Variants in AGO2 observed in about 807,000 individuals in gnomAD.
The protein encoded by AGO2 is protein argonaute-2.
A neutral mutation model predicts 102.3 loss-of-function variants in AGO2; 5 were observed. The observed-to-expected ratio is 0.05, with a 90% CI of 0.03 to 0.10. The LOEUF (loss-of-function observed/expected upper bound fraction) is 0.10. Among genes scored for constraint, AGO2 ranks in the 10% least tolerant of loss-of-function variants. The pLI, the probability that AGO2 is intolerant of heterozygous loss-of-function variation, is 1.00. For synonymous variants in AGO2, 449 were observed against 473.1 expected, an observed-to-expected ratio of 0.95 and a Z score of 0.66; for missense variants, 541 against 1,183.7, an observed-to-expected ratio of 0.46 and a Z score of 7.97.
chr8:140,632,025 T>C (rs1354616765), intron 1 of AGO2, among the ~76,000 whole-genome samples: 1 of 152,220 alleles, frequency 6.6e-6, no homozygotes, highest in African/African-American at 2.4e-5. Context: ...ACAGTAACGA[T>C]TCGTGAAACA....
rs759153879 is a variant in AGO2, at chr8:140,530,308, TGG to T, written c.*1734_*1735del. ...CCTCCAAAGCAGCTGAGCACAAAGGTGGGGGGGGGGGTGCCGCTGAGCAGGAG... is the reference window on the plus strand; with the variant it reads ...CCTCCAAAGCAGCTGAGCACAAAGGTGGGGGGGGGTGCCGCTGAGCAGGAG... On this transcript the variant is annotated 3_prime_UTR_variant, in exon 19 of 19. Transcript: ENST00000220592. 6,078 of 145,758 alleles carry T rather than the reference TGG, an allele frequency of 0.042. 165 individuals carry two copies. Among genetic ancestry groups the T allele is most frequent in the African/African-American group, 0.077 (3,011 of 39,338 alleles). 9.0% of individuals were successfully genotyped at this position (145,758 alleles called of 1,614,324 possible).
At chr8:140,580,530 C>G (rs1442150109) in intron 2 of AGO2, among the ~76,000 whole-genome samples, 1 of 152,196 alleles carries the variant, frequency 6.6e-6, no homozygotes, top group East Asian at 1.9e-4. Flanking sequence ...GCCCCACCTT[C>G]GTCTCCCTTT....
chr8:140,533,402 A>C (rs1042693645), intron 17 of AGO2, among the ~76,000 whole-genome samples: 2 of 151,562 alleles, frequency 1.3e-5, no homozygotes, highest in Admixed American at 6.6e-5. Flanking sequence ...AAAAAAAAAA[A>C]AAAAAGATAT....
intron 1 of AGO2, among the ~76,000 whole-genome samples, chr8:140,633,055 G>A (rs572535415): frequency 3.3e-5 from 5 of 152,142 alleles, no homozygotes; most frequent in African/African-American, 1.2e-4. Flanking sequence ...TGGGACTACA[G>A]GCGTGCACCA....
In AGO2 at chr8:140,557,368, C is replaced by CCCCCGGAA. The variant is rs938961097; in HGVS notation, c.879-133_879-132insTTCCGGGG. On this transcript the variant is annotated intron_variant, in intron 7 of 18. Coordinates refer to ENST00000220592, the MANE Select transcript of AGO2 (RefSeq NM_012154.5). The surrounding 1 kb of genome is among the most constrained non-coding windows in gnomAD (Gnocchi z 5.9). ...TTCAGAGCACTTCCGGGAGTGAAAA[C>CCCCCGGAA]CATGTCATGTGCTTTGGGTTATCTG... 1 of 1,133,488 alleles carries CCCCCGGAA rather than the reference C, an allele frequency of 8.8e-7. No homozygotes were observed. The highest frequency in any genetic ancestry group is 1.6e-5 in the African/African-American group (1 of 63,800). The allele number at this position is 1,133,488 out of a possible 1,614,324, so 70.2% of individuals were successfully genotyped here.
Position 140,530,616 on chromosome 8 carries a change from C to G in AGO2, c.*1428G>C, listed in dbSNP as rs2072576145. On this transcript the variant is annotated 3_prime_UTR_variant, in exon 19 of 19. Transcript: ENST00000220592. ...GTGCAACAGTTTCTAGATTGGCAAA[C>G]CCAAGTCTGGGGCCCCAAATGCAAA... 1 of 152,284 alleles carries G rather than the reference C, an allele frequency of 6.6e-6. No homozygotes were observed. The highest frequency in any genetic ancestry group is 1.5e-5 in the Non-Finnish European group (1 of 68,064). 9.4% of individuals were successfully genotyped at this position (152,284 alleles called of 1,614,324 possible).
At chr8:140,612,220 C>CAAAAAAAAAA (rs542472147) in intron 1 of AGO2, among the ~76,000 whole-genome samples, 2 of 95,978 alleles carry the variant, frequency 2.1e-5, no homozygotes, top group African/African-American at 4.3e-5. Context: ...GACTCTGTCT[C>CAAAAAAAAAA]AAAAAAAAAA....
In AGO2 at chr8:140,520,606, G is replaced by C. The variant is rs2072400558; in HGVS notation, c.*11438C>G. ...AGAGAAATGTGAAGACGGGCTCTCTGGAGAGACCAGAGGCTCGGGCTGCCT... is the reference window on the plus strand; with the variant it reads ...AGAGAAATGTGAAGACGGGCTCTCTCGAGAGACCAGAGGCTCGGGCTGCCT... On this transcript the variant is annotated 3_prime_UTR_variant, in exon 19 of 19. Transcript: ENST00000220592. 6.6e-6 allele frequency: 1 copy of C among 152,084 alleles called. No homozygotes were observed. The highest frequency in any genetic ancestry group is 2.4e-5 in the African/African-American group (1 of 41,396). 9.4% of individuals were successfully genotyped at this position (152,084 alleles called of 1,614,324 possible).
At chr8:140,568,418 C>G (rs1030673649) in intron 3 of AGO2, among the ~76,000 whole-genome samples, 1 of 152,210 alleles carries the variant, frequency 6.6e-6, no homozygotes, top group African/African-American at 2.4e-5. Flanking sequence ...CCCACGGCCT[C>G]CCTGTCCACT....
intron 1 of AGO2, among the ~76,000 whole-genome samples, chr8:140,608,275 G>A (rs781185255): frequency 2.6e-5 from 4 of 152,172 alleles, no homozygotes; most frequent in South Asian, 4.1e-4. Context: ...AGCACGCTCC[G>A]GTCTCCTGTC....
intron 13 of AGO2, 40 bp from the exon 14 acceptor site, chr8:140,544,343 G>T (rs1163633673): frequency 1.7e-5 from 27 of 1,545,184 alleles, no homozygotes; most frequent in Non-Finnish European, 2.3e-5. Context: ...GGTGAGACAC[G>T]CCTGGACCTC....
At position 140,539,321 on chromosome 8, in the gene AGO2, CG is replaced by C; in HGVS notation, c.2167del (p.Arg723GlyfsTer60). On this transcript the variant is annotated frameshift_variant and splice_region_variant, in exon 16 of 19. Coordinates refer to ENST00000220592, the MANE Select transcript of AGO2 (RefSeq NM_012154.5). LOFTEE classifies it high-confidence loss of function. This position sits in a 1 kb window ranked among gnomAD's most constrained non-coding sequence, Gnocchi z 4.7. ...GCCTGGAGTCATGCAGAAACTCACC[CG>C]CTCGTTCTTGTCAGTGCAGAAGAGC... is the stretch of plus-strand genomic sequence containing the variant. ...TRLFCTDKNE[R>X]VGKSGNIPAG... is the part of the protein sequence containing the mutation. 6.2e-7 allele frequency: 1 copy of C among 1,603,150 alleles called. No individual in the cohort carries two copies. The highest frequency in any genetic ancestry group is 8.5e-7 in the Non-Finnish European group (1 of 1,173,296).
At chr8:140,580,067 G>A (rs891923197) in intron 2 of AGO2, among the ~76,000 whole-genome samples, 1 of 152,132 alleles carries the variant, frequency 6.6e-6, no homozygotes, top group African/African-American at 2.4e-5. Context: ...CAAGGCCCAC[G>A]TGACTTCAGC....
chr8:140,638,541 G>A (rs972457095), upstream of AGO2, among the ~76,000 whole-genome samples: 9 of 152,200 alleles, frequency 5.9e-5, no homozygotes, highest in Non-Finnish European at 1.0e-4. Context: ...CACAGAGGTA[G>A]AGGTCTTCTA....
chr8:140,566,688 G>T (rs1483642534), intron 3 of AGO2, among the ~76,000 whole-genome samples: 5 of 151,862 alleles, frequency 3.3e-5, no homozygotes, highest in Non-Finnish European at 7.4e-5. Flanking sequence ...GGCGCCCCGG[G>T]CCAGGTGGCA....
At chr8:140,618,629 G>A (rs2074173765) in intron 1 of AGO2, among the ~76,000 whole-genome samples, 1 of 152,124 alleles carries the variant, frequency 6.6e-6, no homozygotes, top group South Asian at 2.1e-4. Context: ...ATAGAAATGT[G>A]TGAGCCTGGG....
chr8:140,570,056 C>T (rs779468350), intron 3 of AGO2, among the ~76,000 whole-genome samples: 25 of 152,212 alleles, frequency 1.6e-4, no homozygotes, highest in Non-Finnish European at 2.8e-4. Context: ...CATGGGACAC[C>T]GCCTTACGCA....
intron 3 of AGO2, among the ~76,000 whole-genome samples, chr8:140,564,180 A>G (rs1480641288): frequency 6.6e-6 from 1 of 152,246 alleles, no homozygotes; most frequent in Admixed American, 6.5e-5. Context: ...AGGGCGCCGC[A>G]GCACGATTCC....
At chr8:140,553,823 C>T (rs1371037630) in intron 10 of AGO2, among the ~76,000 whole-genome samples, 1 of 152,272 alleles carries the variant, frequency 6.6e-6, no homozygotes, top group Non-Finnish European at 1.5e-5. Flanking sequence ...CTCAGTCTCC[C>T]GAGTAGCTGG....
Sources: allele counts gnomAD v4.1 joint callset (sites outside exome capture counted in the v4.1 genomes callset), GRCh38; gene constraint gnomAD v4.1.1; non-coding constraint Gnocchi (gnomAD v3.1); transcripts MANE v1.5; gene names NCBI Gene and HGNC (gene_info 2026-07-23, HGNC 2026-07-21).